The following ZMAT3 variants were observed in gnomAD, a reference collection of about 807,000 sequenced individuals.
The protein encoded by ZMAT3 is zinc finger matrin-type 3.
A neutral mutation model predicts 32.3 loss-of-function variants in ZMAT3; 17 were observed. The ratio of observed to expected loss-of-function variants is 0.53; its 90% CI spans 0.36 to 0.79. The LOEUF is 0.79. ZMAT3 is among the 30% of genes least tolerant of loss of function. The pLI, the probability that ZMAT3 is intolerant of heterozygous loss-of-function variation, is 0.00. For missense variants in ZMAT3, 329 were observed against 359.7 expected (o/e 0.91, Z 0.69); for synonymous variants, 120 against 133.1 (o/e 0.90, Z 0.68).
At chr3:179,060,776 G>C (rs892467467) in intron 2 of ZMAT3, among the ~76,000 whole-genome samples, 1 of 152,066 alleles carries the variant, frequency 6.6e-6, no homozygotes, top group African/African-American at 2.4e-5. Context: ...ATCATTGTCA[G>C]ATCTCAGACT....
intron 5 of ZMAT3, among the ~76,000 whole-genome samples, chr3:179,025,816 A>T (rs1252486014): frequency 2.0e-5 from 3 of 152,206 alleles, no homozygotes; most frequent in African/African-American, 7.2e-5. Flanking sequence ...CCAAACTAGG[A>T]TCCCATTTCT....
chr3:179,021,614 C>A lies in ZMAT3; in HGVS notation c.*3403G>T. 1 of 152,180 alleles carries A rather than the reference C, an allele frequency of 6.6e-6. No homozygotes were observed. 9.4% of individuals were successfully genotyped at this position (152,180 alleles called of 1,614,324 possible). ...CTTGAAGACAGCATAGAAAAGGACA[C>A]TAACATAATTCCTGGGGAGCACAAG... On this transcript the variant is annotated 3_prime_UTR_variant, in exon 6 of 6. Coordinates refer to ENST00000311417, the MANE Select transcript of ZMAT3 (RefSeq NM_022470.4).
Position 179,035,491 on chromosome 3 carries a change from G to A in ZMAT3, c.271-4492C>T, listed in dbSNP as rs139127055. On this transcript the variant is annotated intron_variant, in intron 2 of 5. Coordinates refer to ENST00000311417, the MANE Select transcript of ZMAT3 (RefSeq NM_022470.4). ...AACTGGACCTCACTCACTCTCAAGT[G>A]TCACAACCACTCCCCCTCTCCACAC... 2.4e-4 allele frequency among the ~76,000 whole-genome samples: 37 copies of A among 152,196 alleles called. 2 individuals are homozygous for A. In the South Asian group the frequency reaches 7.5e-3, roughly 31 times the overall value.
At position 179,018,197 on chromosome 3, in the gene ZMAT3, T is replaced by C. The variant is rs543334104; in HGVS notation, c.*6820A>G. On this transcript the variant is annotated 3_prime_UTR_variant, in exon 6 of 6. Transcript: ENST00000311417. ...GGAGTTACTCTTCCTTAAAAAAATA[T>C]ATCATGTAGAGAATACACAAATAAT... 28 of 152,258 alleles carry C rather than the reference T, an allele frequency of 1.8e-4. No individual in the cohort carries two copies. The highest frequency in any genetic ancestry group is 6.0e-4 in the African/African-American group (25 of 41,548). The allele number at this position is 152,258 out of a possible 1,614,324, so 9.4% of individuals were successfully genotyped here. A position where few individuals can be genotyped will look rare whatever the true frequency, so the allele number is the denominator to read the frequency against.
In ZMAT3 at chr3:179,021,919, T is replaced by C. The variant is rs1046064949; in HGVS notation, c.*3098A>G. 6.6e-6 allele frequency: 1 copy of C among 152,162 alleles called. No homozygotes were observed. Among genetic ancestry groups the C allele is most frequent in the Admixed American group, 6.5e-5 (1 of 15,276 alleles). The allele number at this position is 152,162 out of a possible 1,614,324, so 9.4% of individuals were successfully genotyped here. ...AAACATAACCTACTGTCATAGAGAT[T>C]TGTGATTTTTTTTCAGATGTGCATG... On this transcript the variant is annotated 3_prime_UTR_variant, in exon 6 of 6. Transcript: ENST00000311417.
chr3:179,060,301 T>G (rs1403255000), intron 2 of ZMAT3, among the ~76,000 whole-genome samples: 2 of 151,426 alleles, frequency 1.3e-5, no homozygotes, highest in East Asian at 3.9e-4. Flanking sequence ...TAAAAAAGAA[T>G]CAATCAAGCA....
intron 2 of ZMAT3, among the ~76,000 whole-genome samples, chr3:179,060,169 A>G (rs1721078695): frequency 6.6e-6 from 1 of 152,154 alleles, no homozygotes; most frequent in Non-Finnish European, 1.5e-5. Context: ...AAAAAATTCA[A>G]TATGAGATTA....
chr3:179,038,231 A>C (rs2108552170), intron 2 of ZMAT3, among the ~76,000 whole-genome samples: 1 of 152,330 alleles, frequency 6.6e-6, no homozygotes, highest in South Asian at 2.1e-4. Context: ...TTTACGAACG[A>C]GGTCAGGTTA....
In ZMAT3 at chr3:179,027,501, G is replaced by A. The variant is rs150264119; in HGVS notation, c.580C>T (p.Arg194Trp). The A allele has an allele frequency of 7.0e-5, 113 of 1,614,164 alleles. No individual in the cohort carries two copies. Among genetic ancestry groups the A allele is most frequent in the Non-Finnish European group, 8.3e-5 (98 of 1,180,036 alleles). Reference protein sequence around the residue: ...SFSESSELGQRRARKEGNEFK... With the variant: ...SFSESSELGQWRARKEGNEFK... ...TCATTCCCTTCTTTCCTGGCCCGCC[G>A]TTGACCCAGCTCTGAGGATTCCCTG... The change falls in exon 5 of 6, where the codon CGG becomes TGG. Residue 194 changes from arginine to tryptophan, a missense_variant. By Grantham distance (101) the Arg-to-Trp change is moderately radical (BLOSUM62 -3). Transcript: ENST00000311417.
At chr3:179,025,673 A>C (rs962191505) in intron 5 of ZMAT3, among the ~76,000 whole-genome samples, 2 of 152,210 alleles carry the variant, frequency 1.3e-5, no homozygotes, top group Non-Finnish European at 2.9e-5. Flanking sequence ...AAAAGCAAAA[A>C]TTTAGGGGGA....
At position 179,049,991 on chromosome 3, in the gene ZMAT3, C is replaced by CAAAAA. The variant is rs34239014; in HGVS notation, c.270+17487_270+17491dup. 1.4e-3 allele frequency among the ~76,000 whole-genome samples: 11 copies of CAAAAA among 8,146 alleles called. 4 individuals are homozygous for CAAAAA. The highest frequency in any genetic ancestry group is 0.012 in the East Asian group (3 of 248). 5.3% of individuals were successfully genotyped at this position (8,146 alleles called of 152,430 possible). The stretch of plus-strand genomic sequence containing the variant: ...TGGGTGACAGAGCAAGACTCCGTCT[C>CAAAAA]AAAAAAAAAAAAAAAAAAAAAAAAA... On this transcript the variant is annotated intron_variant, in intron 2 of 5. Coordinates refer to ENST00000311417, the MANE Select transcript of ZMAT3 (RefSeq NM_022470.4).
rs546879038 is a variant in ZMAT3 at position 179,062,529 on chromosome 3, G to A, written c.270+4954C>T. On this transcript the variant is annotated intron_variant, in intron 2 of 5. Coordinates refer to ENST00000311417, the MANE Select transcript of ZMAT3 (RefSeq NM_022470.4). ...AATGAGGTAGGGGTAGACTAGAGGA[G>A]GAGGCAAAAAACTGGCAGGATCACA... 2.0e-5 allele frequency among the ~76,000 whole-genome samples: 3 copies of A among 152,180 alleles called. No individual in the cohort carries two copies. In the South Asian group the frequency reaches 6.2e-4, roughly 32 times the overall value.
Position 179,067,822 on chromosome 3 carries a change from C to G in ZMAT3, c.-57-13G>C. On this transcript the variant is annotated splice_polypyrimidine_tract_variant and intron_variant, in intron 1 of 5. Transcript: ENST00000311417. ...AAGGTCTTCAAATCTGAATCAACAG[C>G]AAAAAAACAGAAAAAAAAACTCACT... is the stretch of plus-strand genomic sequence containing the variant. 6.5e-7 allele frequency: 1 copy of G among 1,549,032 alleles called. No individual in the cohort carries two copies.
chr3:179,028,474 T>C (rs1018623636), intron 3 of ZMAT3, among the ~76,000 whole-genome samples: 1 of 152,204 alleles, frequency 6.6e-6, no homozygotes, highest in Admixed American at 6.5e-5. Flanking sequence ...TAGTACATGA[T>C]AAAGATTCTG....
At chr3:179,047,625 G>A (rs1319807610) in intron 2 of ZMAT3, among the ~76,000 whole-genome samples, 4 of 152,038 alleles carry the variant, frequency 2.6e-5, no homozygotes, top group Admixed American at 6.6e-5. Flanking sequence ...GGCTGAGGCA[G>A]GCAGATCACC....
chr3:179,030,692 C>T (rs4955810), intron 3 of ZMAT3, among the ~76,000 whole-genome samples, 188 bp downstream of exon 3: 123,987 of 152,152 alleles, frequency 0.81, 50,918 homozygotes, highest in East Asian at 0.94. Flanking sequence ...TAAAGACTCA[C>T]GTAACAATAG....
Position 179,051,060 on chromosome 3 carries a change from C to G in ZMAT3, c.270+16423G>C, listed in dbSNP as rs575078431. 4.6e-5 allele frequency among the ~76,000 whole-genome samples: 7 copies of G among 152,052 alleles called. No individual in the cohort carries two copies. In the South Asian group the frequency reaches 8.3e-4, roughly 18 times the overall value. ...GAATGCGGAAAAGTTGAAAGCATTC[C>G]CCCTGAGAACTGGAGCAAGACAAGG... On this transcript the variant is annotated intron_variant, in intron 2 of 5. Transcript: ENST00000311417.
At chr3:179,044,523 A>G (rs1371123963) in intron 2 of ZMAT3, among the ~76,000 whole-genome samples, 2 of 152,180 alleles carry the variant, frequency 1.3e-5, no homozygotes, top group African/African-American at 4.8e-5. Context: ...AGGTGCTTGT[A>G]GTCCCAGCTA....
chr3:179,048,749 A>C lies in ZMAT3; in HGVS notation c.271-17750T>G, dbSNP rs189597927. Among the ~76,000 whole-genome samples, 118 of 150,956 alleles carry C rather than the reference A, an allele frequency of 7.8e-4. 2 individuals are homozygous for C. The highest frequency in any genetic ancestry group is 3.4e-3 in the Middle Eastern group (1 of 294). The stretch of plus-strand genomic sequence containing the variant: ...CTCACAGGACCTATAAAATAACACA[A>C]TGGAAAAAAACCCAAGGTATTCAGG... On this transcript the variant is annotated intron_variant, in intron 2 of 5. Transcript: ENST00000311417.
Sources: gnomAD v4.1 joint callset for allele counts (sites outside exome capture counted in the v4.1 genomes callset) on GRCh38, gnomAD v4.1.1 for gene constraint, MANE v1.5 for transcripts, NCBI Gene and HGNC (gene_info 2026-07-23, HGNC 2026-07-21) for gene names.